Variants in KLF7 observed in about 807,000 individuals in gnomAD.
The protein encoded by KLF7 is Krueppel-like factor 7.
A neutral mutation model predicts 27.3 loss-of-function variants in KLF7; 2 were observed. The observed-to-expected ratio is 0.07, with a 90% CI of 0.03 to 0.23. The LOEUF is 0.23. Ranked by LOEUF, KLF7 falls within the 10% of genes least tolerant of loss-of-function variation. The pLI is 1.00. For missense variants in KLF7, 221 were observed against 394.1 expected (o/e 0.56, Z 3.72); for synonymous variants, 165 against 162.4 (o/e 1.02, Z -0.12).
At chr2:207,111,166 G>C (rs2105937866) in intron 2 of KLF7, among the ~76,000 whole-genome samples, 1 of 152,342 alleles carries the variant, frequency 6.6e-6, no homozygotes, top group East Asian at 1.9e-4. Context: ...TTTTGGGAGA[G>C]TGGCTGGACC....
chr2:207,139,681 G>A (rs1428876879), intron 1 of KLF7, among the ~76,000 whole-genome samples: 1 of 152,062 alleles, frequency 6.6e-6, no homozygotes, highest in Non-Finnish European at 1.5e-5. Context: ...ATTTCTCTAC[G>A]TAATCTCTCC....
At chr2:207,113,612 G>GC (rs1553526434) in intron 2 of KLF7, among the ~76,000 whole-genome samples, 7 of 131,272 alleles carry the variant, frequency 5.3e-5, no homozygotes, top group Non-Finnish European at 8.4e-5. Flanking sequence ...GGGGGTGGGG[G>GC]GGGGGGGGAA....
chr2:207,127,161 T>A (rs2077502244), intron 1 of KLF7, among the ~76,000 whole-genome samples: 1 of 152,162 alleles, frequency 6.6e-6, no homozygotes. Flanking sequence ...ATGAGAGACA[T>A]CTGATCACTA....
At chr2:207,088,656 T>C (rs2076443814) in intron 2 of KLF7, 75 bp from the exon 3 acceptor site, 2 of 1,521,868 alleles carry the variant, frequency 1.3e-6, no homozygotes, top group East Asian at 4.5e-5. Flanking sequence ...CTGTGCTGCC[T>C]GCTGGTCAGG....
chr2:207,166,821 A>C (rs911462961), upstream of KLF7: 5 of 1,014,600 alleles, frequency 4.9e-6, no homozygotes, highest in African/African-American at 3.4e-5. Flanking sequence ...GCCAGGGTGC[A>C]GAGAAGAAGC....
At chr2:207,099,040 A>T (rs1414704030) in intron 2 of KLF7, among the ~76,000 whole-genome samples, 1 of 152,192 alleles carries the variant, frequency 6.6e-6, no homozygotes, top group East Asian at 1.9e-4. Context: ...TCTGAAAGTG[A>T]TACCACTAAA....
At chr2:207,128,503 A>G (rs2077539568) in intron 1 of KLF7, among the ~76,000 whole-genome samples, 1 of 152,250 alleles carries the variant, frequency 6.6e-6, no homozygotes, top group African/African-American at 2.4e-5. Flanking sequence ...ATGAGAAACA[A>G]GGTATCTGCC....
upstream of KLF7, chr2:207,167,149 T>C: frequency 6.9e-7 from 1 of 1,439,414 alleles, no homozygotes; most frequent in Non-Finnish European, 9.1e-7. Context: ...CCATGGGGTC[T>C]CCAGCGAGGT....
chr2:207,173,378 T>C, the KLF7 span, among the ~76,000 whole-genome samples: 1 of 152,192 alleles, frequency 6.6e-6, no homozygotes, highest in Non-Finnish European at 1.5e-5. Context: ...CTATTGTCAA[T>C]GCAAACATCC....
At chr2:207,172,837 C>T in the KLF7 span, among the ~76,000 whole-genome samples, 1 of 152,112 alleles carries the variant, frequency 6.6e-6, no homozygotes, top group African/African-American at 2.4e-5. Flanking sequence ...ACTTTTGGCA[C>T]GATTTGCAAT....
chr2:207,149,754 G>A (rs56212035), intron 1 of KLF7, among the ~76,000 whole-genome samples: 8,721 of 152,148 alleles, frequency 0.057, 352 homozygotes, highest in Non-Finnish European at 0.089. Context: ...TGTGGTCCTC[G>A]GGTCTGAGTT....
chr2:207,101,420 G>A lies in KLF7; in HGVS notation c.734-12839C>T, dbSNP rs556249970. Among the ~76,000 whole-genome samples the A allele has an allele frequency of 3.9e-5, 6 of 152,310 alleles. No individual in the cohort carries two copies. In the East Asian group the frequency reaches 9.7e-4, roughly 25 times the overall value. ...AGACTTGGTAAGACTATTAGAGCAG[G>A]TGTCCCAGAGATGATCAGCCCCCCT... On this transcript the variant is annotated intron_variant, in intron 2 of 3. Transcript: ENST00000309446.
intron 1 of KLF7, among the ~76,000 whole-genome samples, chr2:207,162,021 A>T (rs2078563024): frequency 1.3e-5 from 2 of 152,230 alleles, no homozygotes. Flanking sequence ...AAGTCCAAAT[A>T]AGACTTAGAT....
At chr2:207,103,275 G>A (rs1234808035) in intron 2 of KLF7, among the ~76,000 whole-genome samples, 6 of 152,024 alleles carry the variant, frequency 3.9e-5, no homozygotes, top group Non-Finnish European at 8.8e-5. Flanking sequence ...TTTCACTTTC[G>A]AAATATCTGC....
intron 2 of KLF7, chr2:207,121,002 CTT>C (rs780702724): frequency 6.6e-6 from 1 of 152,222 alleles, no homozygotes; most frequent in Non-Finnish European, 1.5e-5. Context: ...TCTACCTCCC[CTT>C]TTATCTGTTT....
chr2:207,129,012 T>C (rs2077552744), intron 1 of KLF7, among the ~76,000 whole-genome samples: 1 of 152,210 alleles, frequency 6.6e-6, no homozygotes, highest in African/African-American at 2.4e-5. Context: ...GTTCTTATAA[T>C]TGAACTATGG....
At chr2:207,160,081 A>T (rs2078498968) in intron 1 of KLF7, among the ~76,000 whole-genome samples, 1 of 152,192 alleles carries the variant, frequency 6.6e-6, no homozygotes. Flanking sequence ...TACAGAGAGG[A>T]GTGTTTTTTA....
chr2:207,167,539 T>A (rs1226418505), upstream of KLF7, among the ~76,000 whole-genome samples: 1 of 152,246 alleles, frequency 6.6e-6, no homozygotes, highest in African/African-American at 2.4e-5. Context: ...TGAAATTCAG[T>A]ATTTGCCAAG....
At chr2:207,137,296 A>G (rs981288320) in intron 1 of KLF7, among the ~76,000 whole-genome samples, 2 of 152,142 alleles carry the variant, frequency 1.3e-5, no homozygotes, top group African/African-American at 4.8e-5. Context: ...CCTTACATGA[A>G]AGGTCCTTAA....
Sources: allele counts gnomAD v4.1 joint callset (sites outside exome capture counted in the v4.1 genomes callset), GRCh38; gene constraint gnomAD v4.1.1; transcripts MANE v1.5; gene names NCBI Gene and HGNC (gene_info 2026-07-23, HGNC 2026-07-21).